DNAJA3: variants seen among roughly 807,000 people sequenced by gnomAD.
The protein encoded by DNAJA3 is DnaJ heat shock protein family (Hsp40) member A3.
In DNAJA3, 29 loss-of-function variants were observed where a neutral mutation model predicts 54.9. The ratio of observed to expected loss-of-function variants is 0.53; its 90% CI spans 0.39 to 0.72. DNAJA3 has a LOEUF of 0.72. Ranked by LOEUF, DNAJA3 falls within the 30% of genes least tolerant of loss-of-function variation. DNAJA3 has a pLI of 0.00. For synonymous variants in DNAJA3, 302 were observed against 251.4 expected (o/e 1.20, Z -1.90); for missense variants, 708 against 639.4 (o/e 1.11, Z -1.16).
chr16:4,446,544 A>G (rs1165135558), intron 7 of DNAJA3, among the ~76,000 whole-genome samples: 2 of 151,936 alleles, frequency 1.3e-5, no homozygotes, highest in African/African-American at 4.8e-5. Context: ...GTGCCTGGCT[A>G]AAGTAAGATT....
chr16:4,436,902 G>A (rs762200950), intron 2 of DNAJA3, among the ~76,000 whole-genome samples: 5 of 151,920 alleles, frequency 3.3e-5, no homozygotes, highest in South Asian at 2.1e-4. Context: ...GGGTGCTAAG[G>A]GCAAAGATAC....
At chr16:4,428,193 C>T (rs2056648802) in intron 1 of DNAJA3, among the ~76,000 whole-genome samples, 1 of 152,026 alleles carries the variant, frequency 6.6e-6, no homozygotes, top group African/African-American at 2.4e-5. Context: ...ACTTGTGATC[C>T]ACCCGCCTCA....
chr16:4,442,607 C>T (rs781598249), intron 5 of DNAJA3, 187 bp downstream of exon 5: 3 of 662,496 alleles, frequency 4.5e-6, no homozygotes, highest in Non-Finnish European at 7.1e-6. Context: ...ACCACAGGCT[C>T]AGCAACCAGA....
At chr16:4,441,820 T>C (rs1426117342) in intron 4 of DNAJA3, among the ~76,000 whole-genome samples, 3 of 152,274 alleles carry the variant, frequency 2.0e-5, no homozygotes, top group East Asian at 3.9e-4. Context: ...TCAGAGCCCA[T>C]GAGGGTGTGA....
chr16:4,440,256 A>G (rs1246811867), intron 3 of DNAJA3: 1 of 151,800 alleles, frequency 6.6e-6, no homozygotes, highest in Non-Finnish European at 1.5e-5. Flanking sequence ...GTGTCTTTTT[A>G]ATTAAAGAAA....
intron 2 of DNAJA3, among the ~76,000 whole-genome samples, chr16:4,436,008 TA>T (rs1418978461): frequency 6.6e-6 from 1 of 152,252 alleles, no homozygotes; most frequent in African/African-American, 2.4e-5. Flanking sequence ...TCTTTTTAAT[TA>T]CGACCCTAGT....
intron 1 of DNAJA3, chr16:4,431,525 G>A (rs1348747937): frequency 6.6e-6 from 1 of 151,662 alleles, no homozygotes; most frequent in Non-Finnish European, 1.5e-5. Context: ...CCAACCTCTG[G>A]TTGTGTTTTG....
chr16:4,454,724 G>C (rs1408362316), intron 10 of DNAJA3, 87 bp from the exon 11 acceptor site: 11 of 962,194 alleles, frequency 1.1e-5, no homozygotes, highest in Non-Finnish European at 1.6e-5. Flanking sequence ...GGGCCCCTGG[G>C]TGGCCAGGCG....
intron 11 of DNAJA3, 162 bp from the exon 12 acceptor site, chr16:4,455,384 T>C: frequency 1.3e-6 from 1 of 755,640 alleles, no homozygotes; most frequent in Non-Finnish European, 2.2e-6. Flanking sequence ...GCTCGCCGTG[T>C]CATCTTGGGA....
At chr16:4,426,204 C>T in intron 1 of DNAJA3, 112 bp downstream of exon 1, 2 of 1,170,450 alleles carry the variant, frequency 1.7e-6, no homozygotes, top group Non-Finnish European at 2.3e-6. Flanking sequence ...TCTTCCGACG[C>T]GGATGCACAA....
chr16:4,432,686 C>T (rs1010384390), intron 1 of DNAJA3, among the ~76,000 whole-genome samples: 1 of 152,080 alleles, frequency 6.6e-6, no homozygotes, highest in Non-Finnish European at 1.5e-5. Flanking sequence ...TAAAACACCT[C>T]CAGTCTGGGC....
Position 4,441,467 on chromosome 16 carries a change from G to T in DNAJA3, c.522G>T (p.Trp174Cys). ...PGASGSQHSY[W>C]KGGPTVDPEE... ...CCAGCGGCTCCCAGCATAGCTACTG[G>T]AAGGGAGGCCCCACTGTGGACCCCG... The change falls in exon 4 of 12, where the codon TGG becomes TGT. Residue 174 changes from tryptophan to cysteine, a missense_variant. Trp to Cys is a radical substitution (Grantham distance 215). Transcript: ENST00000262375. The T allele has an allele frequency of 6.2e-7, 1 of 1,614,204 alleles. No individual in the cohort carries two copies. The highest frequency in any genetic ancestry group is 8.5e-7 in the Non-Finnish European group (1 of 1,180,022).
intron 9 of DNAJA3, 47 bp from the exon 10 acceptor site, chr16:4,450,353 A>G (rs765990239): frequency 6.6e-7 from 1 of 1,516,764 alleles, no homozygotes; most frequent in Non-Finnish European, 8.9e-7. Context: ...GTTCTTTCCA[A>G]AGCTTCCCGG....
At chr16:4,443,223 A>G (rs2056859408) in intron 6 of DNAJA3, 59 bp downstream of exon 6, 1 of 1,597,132 alleles carries the variant, frequency 6.3e-7, no homozygotes, top group South Asian at 1.1e-5. Flanking sequence ...GGTTGAGGCT[A>G]CCACACCGTG....
Position 4,456,100 on chromosome 16 carries a change from G to A in DNAJA3, c.*568G>A, listed in dbSNP as rs534351747. Reference sequence around the variant, plus strand: ...CTCTGCTCAGTTAGTTTTTATTCCCGGGGTACCAAGCAGCTGCACAGTCGG... The same window carrying A: ...CTCTGCTCAGTTAGTTTTTATTCCCAGGGTACCAAGCAGCTGCACAGTCGG... On this transcript the variant is annotated 3_prime_UTR_variant, in exon 12 of 12. Transcript: ENST00000262375. 77 of 157,294 alleles carry A rather than the reference G, an allele frequency of 4.9e-4. No homozygotes were observed. The highest frequency in any genetic ancestry group is 2.0e-4 in the Non-Finnish European group (14 of 71,028). 9.7% of individuals were successfully genotyped at this position (157,294 alleles called of 1,614,324 possible). A position where few individuals can be genotyped will look rare whatever the true frequency, so the allele number is the denominator to read the frequency against.
chr16:4,441,362 C>G lies in DNAJA3; in HGVS notation c.430-13C>G. ...AGACCTGGGATGCCCAGTGGCTCTG[C>G]CTTTCACTGTAGGTTTTGAGTGATG... On this transcript the variant is annotated splice_polypyrimidine_tract_variant and intron_variant, in intron 3 of 11. Coordinates refer to ENST00000262375, the MANE Select transcript of DNAJA3 (RefSeq NM_005147.6). 6.2e-7 allele frequency: 1 copy of G among 1,607,404 alleles called. No individual in the cohort carries two copies. Among genetic ancestry groups the G allele is most frequent in the East Asian group, 2.2e-5 (1 of 44,782 alleles).
chr16:4,444,065 T>C (rs1376839980), intron 6 of DNAJA3, among the ~76,000 whole-genome samples: 1 of 152,194 alleles, frequency 6.6e-6, no homozygotes, highest in African/African-American at 2.4e-5. Flanking sequence ...TTTGTAGTTA[T>C]GCATTAGTGC....
intron 3 of DNAJA3, among the ~76,000 whole-genome samples, chr16:4,438,316 CAA>C (rs200357632): frequency 1.4e-4 from 16 of 114,804 alleles, no homozygotes; most frequent in Admixed American, 1.8e-4. Context: ...GACCCCGTCT[CAA>C]AAAAAAAAAA....
intron 1 of DNAJA3, among the ~76,000 whole-genome samples, chr16:4,429,108 C>G (rs376143935): frequency 2.0e-5 from 3 of 151,856 alleles, no homozygotes; most frequent in African/African-American, 7.3e-5. Context: ...CAGGACGTCT[C>G]GATCTCCTGA....
Sources: allele counts gnomAD v4.1 joint callset (sites outside exome capture counted in the v4.1 genomes callset), GRCh38; gene constraint gnomAD v4.1.1; transcripts MANE v1.5; gene names NCBI Gene and HGNC (gene_info 2026-07-23, HGNC 2026-07-21).